PDZRN3: variants seen among roughly 807,000 people sequenced by gnomAD.
The protein encoded by PDZRN3 is E3 ubiquitin-protein ligase PDZRN3.
PDZRN3 carries 38 observed loss-of-function variants against 85.7 expected under a neutral mutation model. The observed-to-expected ratio is 0.44, with a 90% CI of 0.34 to 0.58. The LOEUF (loss-of-function observed/expected upper bound fraction) is 0.58. Among genes scored for constraint, PDZRN3 ranks in the 20% least tolerant of loss-of-function variants. The pLI, the probability that PDZRN3 is intolerant of heterozygous loss-of-function variation, is 0.01. For synonymous variants in PDZRN3, 759 were observed against 638.0 expected (o/e 1.19, Z -2.86); for missense variants, 1,629 against 1,506.4 (o/e 1.08, Z -1.35).
At chr3:73,457,299 CTGACCTCAGG>C (rs1445169857) in intron 3 of PDZRN3, among the ~76,000 whole-genome samples, 1 of 152,088 alleles carries the variant, frequency 6.6e-6, no homozygotes, top group Non-Finnish European at 1.5e-5. Flanking sequence ...TTTCAAACTC[CTGACCTCAGG>C]TGATCCACGT....
At chr3:73,465,577 T>C (rs760584444) in intron 3 of PDZRN3, among the ~76,000 whole-genome samples, 17 of 152,240 alleles carry the variant, frequency 1.1e-4, no homozygotes, top group Non-Finnish European at 1.8e-4. Context: ...TATACAATGA[T>C]GAAGCTAGCC....
intron 3 of PDZRN3, among the ~76,000 whole-genome samples, chr3:73,459,002 A>AAAAAAAGAAAAAAAAG: frequency 1.3e-5 from 2 of 151,470 alleles, no homozygotes; most frequent in African/African-American, 4.8e-5. Flanking sequence ...AAACAAAAAA[A>AAAAAAAGAAAAAAAAG]AAAAAAGAAA....
chr3:73,387,923 T>G lies in PDZRN3; in HGVS notation c.1518+45A>C, dbSNP rs1424091473. The G allele has an allele frequency of 4.3e-6, 4 of 922,210 alleles. No individual in the cohort carries two copies. In the East Asian group the frequency reaches 9.8e-5, roughly 22 times the overall value. 57.1% of individuals were successfully genotyped at this position (922,210 alleles called of 1,614,324 possible). A position where few individuals can be genotyped will look rare whatever the true frequency, so the allele number is the denominator to read the frequency against. ...TTTTGCAGGCCTGGGGATCTTTTGA[T>G]TTTAGAAATATAGACCCAGTTTCAT... On this transcript the variant is annotated intron_variant, in intron 8 of 9. Transcript: ENST00000263666.
intron 2 of PDZRN3, among the ~76,000 whole-genome samples, chr3:73,604,142 C>A (rs1702558925): frequency 6.6e-6 from 1 of 152,194 alleles, no homozygotes; most frequent in African/African-American, 2.4e-5. Flanking sequence ...CACAGACCTC[C>A]TGCACACTAA....
chr3:73,614,686 T>C (rs1702734705), intron 1 of PDZRN3, among the ~76,000 whole-genome samples: 1 of 152,188 alleles, frequency 6.6e-6, no homozygotes, highest in Admixed American at 6.5e-5. Flanking sequence ...GCACTGTATA[T>C]TTGGCTGTTT....
intron 3 of PDZRN3, among the ~76,000 whole-genome samples, chr3:73,565,449 G>C (rs572913741): frequency 6.6e-6 from 1 of 152,078 alleles, no homozygotes; most frequent in Non-Finnish European, 1.5e-5. Context: ...AAAATTAATG[G>C]AAGTGAACAA....
At chr3:73,509,030 G>A (rs1407573182) in intron 3 of PDZRN3, among the ~76,000 whole-genome samples, 3 of 152,176 alleles carry the variant, frequency 2.0e-5, no homozygotes, top group Admixed American at 6.5e-5. Context: ...TAAGCCTCAC[G>A]TGGCAATTAG....
At chr3:73,569,595 A>G (rs780010780) in intron 3 of PDZRN3, 3 of 1,016,128 alleles carry the variant, frequency 3.0e-6, no homozygotes, top group South Asian at 4.0e-5. Flanking sequence ...GAGGACAGAC[A>G]GCCCTGTGCC....
intron 3 of PDZRN3, among the ~76,000 whole-genome samples, chr3:73,528,461 C>T (rs933875101): frequency 3.3e-5 from 5 of 152,092 alleles, no homozygotes; most frequent in Middle Eastern, 3.2e-3. Flanking sequence ...AAAGAAAACA[C>T]GGCCCAGTTT....
intron 5 of PDZRN3, 84 bp downstream of exon 5, chr3:73,400,838 C>T: frequency 4.1e-6 from 4 of 986,794 alleles, no homozygotes; most frequent in African/African-American, 3.2e-5. Context: ...CATCCGTAAA[C>T]TAATTTATGC....
Position 73,388,083 on chromosome 3 carries a change from A to AACCCC in PDZRN3, c.1417-15_1417-14insGGGGT. ...TATCCCATTAATCTTTTAAAAAAAA[A>AACCCC]GGGGGGGTGGGGAGAGTGGGGAGAC... On this transcript the variant is annotated splice_polypyrimidine_tract_variant and intron_variant, in intron 7 of 9. Transcript: ENST00000263666. 1.1e-6 allele frequency: 1 copy of AACCCC among 908,172 alleles called. No homozygotes were observed. Among genetic ancestry groups the AACCCC allele is most frequent in the East Asian group, 2.7e-5 (1 of 36,364 alleles). The allele number at this position is 908,172 out of a possible 1,614,324, so 56.3% of individuals were successfully genotyped here.
At chr3:73,553,216 C>T (rs548786309) in intron 3 of PDZRN3, among the ~76,000 whole-genome samples, 4 of 152,130 alleles carry the variant, frequency 2.6e-5, no homozygotes, top group Non-Finnish European at 5.9e-5. Flanking sequence ...ATAGTGCTTA[C>T]GCTTCTGATA....
intron 3 of PDZRN3, among the ~76,000 whole-genome samples, chr3:73,440,979 C>T (rs1311966411): frequency 6.6e-6 from 1 of 152,164 alleles, no homozygotes; most frequent in Non-Finnish European, 1.5e-5. Flanking sequence ...AAACCAGGGG[C>T]GGAAAGCCCT....
At chr3:73,534,721 T>C (rs1704735997) in intron 3 of PDZRN3, among the ~76,000 whole-genome samples, 1 of 152,242 alleles carries the variant, frequency 6.6e-6, no homozygotes, top group Non-Finnish European at 1.5e-5. Context: ...TTTCCTATTC[T>C]TCTCTTCATA....
In PDZRN3 at chr3:73,382,976, T is replaced by C. The variant is rs566076936; in HGVS notation, c.*389A>G. On this transcript the variant is annotated 3_prime_UTR_variant, in exon 10 of 10. Coordinates refer to ENST00000263666, the MANE Select transcript of PDZRN3 (RefSeq NM_015009.3). ...TTCCATTAAAAATACATACTGGCAG[T>C]TGTATTTGTGTTTTAGGCAGGAAAA... The C allele has an allele frequency of 1.2e-5, 2 of 166,536 alleles. No homozygotes were observed. The highest frequency in any genetic ancestry group is 1.7e-4 in the South Asian group (1 of 5,920). The allele number at this position is 166,536 out of a possible 1,614,324, so 10.3% of individuals were successfully genotyped here. A position where few individuals can be genotyped will look rare whatever the true frequency, so the allele number is the denominator to read the frequency against.
intron 3 of PDZRN3, among the ~76,000 whole-genome samples, chr3:73,490,835 A>C (rs965755063): frequency 6.6e-6 from 1 of 152,232 alleles, no homozygotes; most frequent in African/African-American, 2.4e-5. Context: ...CTTCAAAGGA[A>C]TTCAAGTGAC....
chr3:73,553,042 T>G (rs771550030), intron 3 of PDZRN3, among the ~76,000 whole-genome samples: 7 of 152,060 alleles, frequency 4.6e-5, no homozygotes, highest in Non-Finnish European at 8.8e-5. Flanking sequence ...AGCTAACATA[T>G]AAAATGGAAT....
intron 1 of PDZRN3, among the ~76,000 whole-genome samples, chr3:73,616,325 G>A (rs1702762753): frequency 1.4e-3 from 1 of 740 alleles, no homozygotes; most frequent in African/African-American, 0.012. Context: ...GACTAAGATA[G>A]AAAGCAAGGC....
chr3:73,408,256 C>T (rs1358581645), intron 3 of PDZRN3: 1 of 702,080 alleles, frequency 1.4e-6, no homozygotes, highest in Admixed American at 2.0e-5. Context: ...TTCCAGTTTT[C>T]TCATCTGCAA....
Sources: allele counts gnomAD v4.1 joint callset (sites outside exome capture counted in the v4.1 genomes callset), GRCh38; gene constraint gnomAD v4.1.1; transcripts MANE v1.5; gene names NCBI Gene and HGNC (gene_info 2026-07-23, HGNC 2026-07-21).